CTNNA3: variants seen among roughly 807,000 people sequenced by gnomAD.
CTNNA3 encodes catenin alpha-3.
Under a neutral mutation model 95.7 loss-of-function variants are expected in CTNNA3, and 76 were observed. The observed-to-expected ratio is 0.79, with a 90% CI of 0.66 to 0.96. The LOEUF (loss-of-function observed/expected upper bound fraction) is 0.96. Ranked by LOEUF, CTNNA3 falls within the 40% of genes least tolerant of loss-of-function variation. CTNNA3 has a pLI of 0.00. For missense variants in CTNNA3, 1,191 were observed against 1,089.8 expected, an observed-to-expected ratio of 1.09 and a Z score of -1.31; for synonymous variants, 431 against 374.4, an observed-to-expected ratio of 1.15 and a Z score of -1.74.
rs78714947 is a variant in CTNNA3, at chr10:66,948,508, C to T, written c.1048-172984G>A. ...GTGACAACTGACCGATTCTTATTTT[C>T]AATGCTCTCAATTAAAGATCTACTT... On this transcript the variant is annotated intron_variant, in intron 7 of 17. Transcript: ENST00000433211. Among the ~76,000 whole-genome samples, 1,242 of 152,216 alleles carry T rather than the reference C, an allele frequency of 8.2e-3. 19 individuals are homozygous for T. Among genetic ancestry groups the T allele is most frequent in the African/African-American group, 0.028 (1,174 of 41,548 alleles).
chr10:66,293,879 C>A (rs2091732140), intron 12 of CTNNA3, among the ~76,000 whole-genome samples: 1 of 152,066 alleles, frequency 6.6e-6, no homozygotes, highest in Non-Finnish European at 1.5e-5. Context: ...ATTGGCCAGG[C>A]TGGTCTTGAA....
chr10:66,178,403 A>G (rs1326234092), intron 13 of CTNNA3, among the ~76,000 whole-genome samples: 44 of 17,390 alleles, frequency 2.5e-3, no homozygotes, highest in South Asian at 5.3e-3. Context: ...GAAAGTGTAT[A>G]TATATATATA....
chr10:67,060,874 A>G (rs1279294449), intron 7 of CTNNA3, among the ~76,000 whole-genome samples: 1 of 152,208 alleles, frequency 6.6e-6, no homozygotes, highest in African/African-American at 2.4e-5. Context: ...CTATGACTTT[A>G]ACTAGTTTTT....
At chr10:66,660,781 C>G (rs1442462149) in intron 9 of CTNNA3, among the ~76,000 whole-genome samples, 1 of 152,114 alleles carries the variant, frequency 6.6e-6, no homozygotes, top group Non-Finnish European at 1.5e-5. Context: ...GATCTCTACT[C>G]TCATTATCCC....
In CTNNA3 at chr10:66,356,132, T is replaced by G. The variant is rs530948288; in HGVS notation, c.1732+23020A>C. ...TTGTTTGCTTGTTTTGTTTTTTTTTTTTTTTTTTTGGCTATTCTGGTTCCT... is the reference window on the plus strand; with the variant it reads ...TTGTTTGCTTGTTTTGTTTTTTTTTGTTTTTTTTTGGCTATTCTGGTTCCT... On this transcript the variant is annotated intron_variant, in intron 12 of 17. Coordinates refer to ENST00000433211, the MANE Select transcript of CTNNA3 (RefSeq NM_013266.4). Among the ~76,000 whole-genome samples, 78 of 151,228 alleles carry G rather than the reference T, an allele frequency of 5.2e-4. 1 individual carries two copies. The highest frequency in any genetic ancestry group is 1.4e-3 in the East Asian group (7 of 5,142).
intron 8 of CTNNA3, among the ~76,000 whole-genome samples, chr10:66,770,909 CAAATAGCAAAATGTGATTTTT>C (rs1388024663): frequency 6.6e-6 from 1 of 151,822 alleles, no homozygotes; most frequent in African/African-American, 2.4e-5. Flanking sequence ...TAATTTAAAT[CAAATAGCAAAATGTGATTTTT>C]AAAGCTTGGA....
upstream of CTNNA3, among the ~76,000 whole-genome samples, chr10:67,700,827 C>T (rs186901291): frequency 4.5e-4 from 69 of 152,150 alleles, no homozygotes; most frequent in East Asian, 3.5e-3. Flanking sequence ...CAAACTACTG[C>T]GAACTACAGG....
At chr10:66,581,165 A>C (rs1267335975) in intron 10 of CTNNA3, among the ~76,000 whole-genome samples, 1 of 151,822 alleles carries the variant, frequency 6.6e-6, no homozygotes, top group Non-Finnish European at 1.5e-5. Flanking sequence ...ATTTAGGTTG[A>C]CTGCATATCT....
At chr10:67,195,757 A>T (rs1021343379) in intron 6 of CTNNA3, among the ~76,000 whole-genome samples, 1 of 152,104 alleles carries the variant, frequency 6.6e-6, no homozygotes, top group Admixed American at 6.6e-5. Context: ...TGTAGAACTT[A>T]TACACAGTCT....
At chr10:66,103,054 G>C in intron 14 of CTNNA3, 103 bp downstream of exon 14, 1 of 869,254 alleles carries the variant, frequency 1.2e-6, no homozygotes. Context: ...ACTAGCTCCA[G>C]ATCCAGGAGT....
intron 5 of CTNNA3, among the ~76,000 whole-genome samples, chr10:67,483,656 C>T (rs563588694): frequency 3.0e-3 from 449 of 150,968 alleles, no homozygotes; most frequent in African/African-American, 0.01. Context: ...ATACCTAATG[C>T]TAAATGACGA....
chr10:65,946,787 T>G (rs2077522640), intron 17 of CTNNA3, among the ~76,000 whole-genome samples: 1 of 152,176 alleles, frequency 6.6e-6, no homozygotes, highest in Admixed American at 6.5e-5. Flanking sequence ...AATGGGCTGT[T>G]GTACCCTGCC....
At chr10:65,943,672 A>AATT (rs2077464840) in intron 17 of CTNNA3, among the ~76,000 whole-genome samples, 1 of 152,128 alleles carries the variant, frequency 6.6e-6, no homozygotes, top group African/African-American at 2.4e-5. Context: ...TTTATGATTC[A>AATT]ATTTCATCTT....
chr10:66,033,140 T>TA (rs1181029129), intron 15 of CTNNA3, among the ~76,000 whole-genome samples: 1 of 148,896 alleles, frequency 6.7e-6, no homozygotes, highest in Non-Finnish European at 1.5e-5. Context: ...TTTTTCTTTT[T>TA]TTTTTTTTTG....
At chr10:66,201,783 C>CTTTTTTTTTTTT (rs1236010501) in intron 13 of CTNNA3, among the ~76,000 whole-genome samples, 16 of 79,356 alleles carry the variant, frequency 2.0e-4, no homozygotes, top group East Asian at 3.9e-4. Context: ...TTTACTTTTT[C>CTTTTTTTTTTTT]TTTTTTTTTT....
intron 5 of CTNNA3, among the ~76,000 whole-genome samples, chr10:67,249,860 G>A (rs1465173759): frequency 6.6e-6 from 1 of 152,126 alleles, no homozygotes. Context: ...CACATCTTTA[G>A]GATGTGGGAG....
chr10:66,328,062 A>G lies in CTNNA3; in HGVS notation c.1733-47441T>C, dbSNP rs142281040. ...TTTAATAGATAGCCATTCTTTTAAT[A>G]TTGACATTGTGCCATGCTAATATTA... On this transcript the variant is annotated intron_variant, in intron 12 of 17. Coordinates refer to ENST00000433211, the MANE Select transcript of CTNNA3 (RefSeq NM_013266.4). 3.4e-3 allele frequency among the ~76,000 whole-genome samples: 519 copies of G among 152,204 alleles called. 5 individuals carry two copies. Among genetic ancestry groups the G allele is most frequent in the African/African-American group, 0.012 (488 of 41,560 alleles).
Position 66,079,763 on chromosome 10 carries a change from C to T in CTNNA3, c.1978-10274G>A, listed in dbSNP as rs1160786937. ...CATATAAATATGCTAATTATAGCTC[C>T]TTCCATTGAAAACCAGATGCAACAC... is the stretch of plus-strand genomic sequence containing the variant. On this transcript the variant is annotated intron_variant, in intron 14 of 17. Transcript: ENST00000433211. 2.0e-5 allele frequency among the ~76,000 whole-genome samples: 3 copies of T among 151,902 alleles called. No homozygotes were observed. In the South Asian group the frequency reaches 6.2e-4, roughly 31 times the overall value.
intron 5 of CTNNA3, among the ~76,000 whole-genome samples, chr10:67,310,503 A>C (rs1840747103): frequency 6.6e-6 from 1 of 152,228 alleles, no homozygotes; most frequent in African/African-American, 2.4e-5. Flanking sequence ...ACAATTTTTA[A>C]AGTTTTAATA....
Sources: allele counts gnomAD v4.1 joint callset (sites outside exome capture counted in the v4.1 genomes callset), GRCh38; gene constraint gnomAD v4.1.1; transcripts MANE v1.5; gene names NCBI Gene and HGNC (gene_info 2026-07-23, HGNC 2026-07-21).